FAM193A: variants seen among roughly 807,000 people sequenced by gnomAD.
FAM193A encodes protein FAM193A.
Under a neutral mutation model 126.5 loss-of-function variants are expected in FAM193A, and 22 were observed. The ratio of observed to expected loss-of-function variants is 0.17; its 90% CI spans 0.12 to 0.25. The LOEUF is 0.25. Among genes scored for constraint, FAM193A ranks in the 10% least tolerant of loss-of-function variants. The pLI is 1.00. For synonymous variants in FAM193A, 761 were observed against 646.8 expected (o/e 1.18, Z -2.68); for missense variants, 1,675 against 1,672.8 (o/e 1.00, Z -0.02).
intron 1 of FAM193A, among the ~76,000 whole-genome samples, chr4:2,586,894 C>G (rs924837789): frequency 6.6e-6 from 1 of 152,148 alleles, no homozygotes; most frequent in African/African-American, 2.4e-5. Context: ...CTCAAGCAAC[C>G]CTTTCACCCA....
chr4:2,694,365 G>A (rs1716789709), intron 16 of FAM193A, among the ~76,000 whole-genome samples: 1 of 151,998 alleles, frequency 6.6e-6, no homozygotes, highest in Non-Finnish European at 1.5e-5. Flanking sequence ...CACCTCCTGG[G>A]TTCAAGCGAT....
At chr4:2,700,862 G>A (rs1448773230) in intron 19 of FAM193A, among the ~76,000 whole-genome samples, 1 of 152,162 alleles carries the variant, frequency 6.6e-6, no homozygotes, top group Admixed American at 6.5e-5. Flanking sequence ...TACTCGGGGA[G>A]GCTGAGGCAG....
chr4:2,549,842 C>G (rs919768668), intron 1 of FAM193A, among the ~76,000 whole-genome samples: 1 of 151,886 alleles, frequency 6.6e-6, no homozygotes, highest in Non-Finnish European at 1.5e-5. Flanking sequence ...ATTTTTCTGC[C>G]TCACCCTCCC....
chr4:2,581,460 G>A (rs1739935653), intron 1 of FAM193A, among the ~76,000 whole-genome samples: 1 of 151,584 alleles, frequency 6.6e-6, no homozygotes, highest in African/African-American at 2.4e-5. Context: ...TCACCATGTT[G>A]CCCAGGCTGA....
intron 1 of FAM193A, among the ~76,000 whole-genome samples, chr4:2,538,720 A>C (rs1737043210): frequency 6.6e-6 from 1 of 151,890 alleles, no homozygotes; most frequent in Admixed American, 6.6e-5. Context: ...CCTTACACAA[A>C]ATATTGATAA....
At chr4:2,640,340 C>T (rs1744490190) in intron 6 of FAM193A, among the ~76,000 whole-genome samples, 1 of 152,102 alleles carries the variant, frequency 6.6e-6, no homozygotes, top group South Asian at 2.1e-4. Context: ...CTTCTTCACG[C>T]TTGGGAAGCT....
In FAM193A at chr4:2,583,415, C is replaced by T. The variant is rs149557879; in HGVS notation, c.256-12669C>T. On this transcript the variant is annotated intron_variant, in intron 1 of 20. Transcript: ENST00000637812. Reference sequence around the variant, plus strand: ...GCAGGACTAGGTCTCTCCTGTCCCTCTCTTCCCTTCCCCCTGCTGCCCCCA... The same window carrying T: ...GCAGGACTAGGTCTCTCCTGTCCCTTTCTTCCCTTCCCCCTGCTGCCCCCA... Among the ~76,000 whole-genome samples the T allele has an allele frequency of 9.2e-5, 14 of 152,322 alleles. No homozygotes were observed. In the East Asian group the frequency reaches 9.6e-4, roughly 10 times the overall value.
intron 19 of FAM193A, among the ~76,000 whole-genome samples, chr4:2,704,096 C>G (rs1438459307): frequency 8.0e-5 from 12 of 150,396 alleles, no homozygotes; most frequent in Admixed American, 7.3e-4. Context: ...AACCCCGTCT[C>G]TACTAAAAAT....
At chr4:2,540,033 G>C (rs183211394) in intron 1 of FAM193A, among the ~76,000 whole-genome samples, 2 of 151,724 alleles carry the variant, frequency 1.3e-5, no homozygotes, top group Non-Finnish European at 2.9e-5. Flanking sequence ...CAGGAGAATT[G>C]CTTGAACCTG....
chr4:2,543,159 C>G (rs1229614169), intron 1 of FAM193A, among the ~76,000 whole-genome samples: 1 of 151,676 alleles, frequency 6.6e-6, no homozygotes, highest in Non-Finnish European at 1.5e-5. Flanking sequence ...GCAATCTTGG[C>G]TCACTGCAAC....
intron 1 of FAM193A, among the ~76,000 whole-genome samples, chr4:2,549,402 T>G (rs538503099): frequency 7.2e-6 from 1 of 138,734 alleles, no homozygotes; most frequent in Admixed American, 7.1e-5. Context: ...TTTCTTTTTT[T>G]TTTTTTTTTT....
At chr4:2,586,426 C>T (rs561882578) in intron 1 of FAM193A, among the ~76,000 whole-genome samples, 1 of 151,762 alleles carries the variant, frequency 6.6e-6, no homozygotes, top group South Asian at 2.1e-4. Context: ...GATAGGGGCC[C>T]AGTTTTTTTT....
chr4:2,606,238 A>G (rs1415626109), intron 2 of FAM193A, among the ~76,000 whole-genome samples: 1 of 151,408 alleles, frequency 6.6e-6, no homozygotes, highest in Admixed American at 6.6e-5. Flanking sequence ...TTTGGTAGAG[A>G]TGGGGGTTTC....
chr4:2,577,137 G>A (rs1014219803), intron 1 of FAM193A, among the ~76,000 whole-genome samples: 3 of 147,368 alleles, frequency 2.0e-5, no homozygotes, highest in Admixed American at 7.1e-5. Flanking sequence ...TTTATTCCAG[G>A]TAGTTATTGT....
intron 7 of FAM193A, among the ~76,000 whole-genome samples, chr4:2,651,290 A>G (rs1462032082): frequency 6.6e-6 from 1 of 152,110 alleles, no homozygotes; most frequent in Non-Finnish European, 1.5e-5. Context: ...AGATCATGCC[A>G]TTGCACTCCA....
chr4:2,626,114 A>C (rs969422352), intron 3 of FAM193A, among the ~76,000 whole-genome samples: 1 of 152,160 alleles, frequency 6.6e-6, no homozygotes, highest in African/African-American at 2.4e-5. Flanking sequence ...AAAGCTGCCC[A>C]TTAAGTACCT....
chr4:2,676,717 C>T (rs993569898), intron 13 of FAM193A, among the ~76,000 whole-genome samples: 1 of 152,214 alleles, frequency 6.6e-6, no homozygotes, highest in Non-Finnish European at 1.5e-5. Flanking sequence ...CCGAGGCAGG[C>T]GGATCACGAG....
chr4:2,721,689 C>T (rs1218758721), intron 20 of FAM193A, among the ~76,000 whole-genome samples: 1 of 152,214 alleles, frequency 6.6e-6, no homozygotes, highest in Non-Finnish European at 1.5e-5. Flanking sequence ...CTAACCACTG[C>T]TCCGGGGAGC....
At chr4:2,670,927 C>T (rs1307589796) in intron 12 of FAM193A, among the ~76,000 whole-genome samples, 1 of 152,096 alleles carries the variant, frequency 6.6e-6, no homozygotes, top group Non-Finnish European at 1.5e-5. Flanking sequence ...AGTTGCAGGA[C>T]CTGTATCTCC....
Sources: allele counts gnomAD v4.1 joint callset (sites outside exome capture counted in the v4.1 genomes callset), GRCh38; gene constraint gnomAD v4.1.1; transcripts MANE v1.5; gene names NCBI Gene and HGNC (gene_info 2026-07-23, HGNC 2026-07-21).